SLC2A9: variants seen among roughly 807,000 people sequenced by gnomAD.
SLC2A9 encodes solute carrier family 2 member 9.
SLC2A9 carries 39 observed loss-of-function variants against 50.6 expected under a neutral mutation model. That is an observed-to-expected ratio of 0.77 (90% CI 0.60 to 1.01). The LOEUF (loss-of-function observed/expected upper bound fraction) is 1.01, where lower values mean the gene tolerates loss of function less well. Among genes scored for constraint, SLC2A9 ranks in the 50% least tolerant of loss-of-function variants. The pLI is 0.00. For missense variants in SLC2A9, 686 were observed against 677.6 expected, an observed-to-expected ratio of 1.01 and a Z score of -0.14; for synonymous variants, 324 against 276.9, an observed-to-expected ratio of 1.17 and a Z score of -1.69.
chr4:9,849,257 A>C (rs1434482295), intron 10 of SLC2A9, among the ~76,000 whole-genome samples: 2 of 152,154 alleles, frequency 1.3e-5, no homozygotes. Flanking sequence ...GCAGAGTGGG[A>C]TATGGGTCAG....
intron 10 of SLC2A9, among the ~76,000 whole-genome samples, chr4:9,868,676 C>A (rs1732906743): frequency 6.6e-6 from 1 of 151,796 alleles, no homozygotes; most frequent in Non-Finnish European, 1.5e-5. Flanking sequence ...AGCTCTCCCT[C>A]TGTCACCCCA....
downstream of SLC2A9, among the ~76,000 whole-genome samples, chr4:9,796,870 G>A (rs1212582416): frequency 3.3e-5 from 5 of 152,126 alleles, no homozygotes; most frequent in African/African-American, 1.2e-4. Flanking sequence ...TAACGCCTCT[G>A]CTTGGATGTG....
At chr4:9,884,557 G>C (rs1268762199) in intron 10 of SLC2A9, among the ~76,000 whole-genome samples, 1 of 152,072 alleles carries the variant, frequency 6.6e-6, no homozygotes, top group African/African-American at 2.4e-5. Context: ...GTTGGATGGA[G>C]GAAAGTGTGG....
At chr4:10,035,728 G>A (rs1764082166) in intron 1 of SLC2A9, 3 of 152,248 alleles carry the variant, frequency 2.0e-5, no homozygotes, top group Admixed American at 2.0e-4. Flanking sequence ...CCATTGACTG[G>A]TGGTCTAGAT....
intron 2 of SLC2A9, among the ~76,000 whole-genome samples, chr4:10,007,931 T>C (rs1024209289): frequency 1.3e-5 from 2 of 152,208 alleles, no homozygotes; most frequent in Non-Finnish European, 2.9e-5. Flanking sequence ...GTCCCGAGCA[T>C]GATGTCAGCA....
intron 5 of SLC2A9, among the ~76,000 whole-genome samples, chr4:9,950,591 A>ACAAAAAATAG (rs33958336): frequency 2.4e-5 from 1 of 42,402 alleles, no homozygotes; most frequent in Non-Finnish European, 4.5e-5. Context: ...TTATTAAATG[A>ACAAAAAATAG]CAGATGCTGG....
At chr4:9,782,818 G>T in intron 3 of SLC2A9, 1 of 1,613,550 alleles carries the variant, frequency 6.2e-7, no homozygotes, top group South Asian at 1.1e-5. Context: ...CCTCCCTGGA[G>T]AGGGCCGCAG....
Position 10,008,900 on chromosome 4 carries a change from G to GTTT in SLC2A9, c.249+10072_249+10074dup, listed in dbSNP as rs1553911923. Among the ~76,000 whole-genome samples the GTTT allele has an allele frequency of 1.1e-4, 15 of 134,852 alleles. 1 individual carries two copies. Among genetic ancestry groups the GTTT allele is most frequent in the Admixed American group, 2.2e-4 (3 of 13,526 alleles). The allele number at this position is 134,852 out of a possible 152,430, so 88.5% of individuals were successfully genotyped here. A position where few individuals can be genotyped will look rare whatever the true frequency, so the allele number is the denominator to read the frequency against. ...TTCATTATCAAATTTCTGTGCGGTG[G>GTTT]TTTTTTTTTTTTTTTTTCCTAATGG... On this transcript the variant is annotated intron_variant, in intron 2 of 11. Transcript: ENST00000264784.
intron 6 of SLC2A9, among the ~76,000 whole-genome samples, chr4:9,936,569 T>C (rs1401636021): frequency 6.6e-6 from 1 of 152,208 alleles, no homozygotes; most frequent in Non-Finnish European, 1.5e-5. Context: ...AGCACTGTCA[T>C]GGCTAAGAAA....
At chr4:9,995,330 C>T (rs1437150166) in intron 3 of SLC2A9, among the ~76,000 whole-genome samples, 2 of 152,144 alleles carry the variant, frequency 1.3e-5, no homozygotes, top group African/African-American at 4.8e-5. Flanking sequence ...AGGAAAATGT[C>T]AGCACCTCCC....
At chr4:9,960,719 G>A (rs984393400) in intron 5 of SLC2A9, among the ~76,000 whole-genome samples, 1 of 152,180 alleles carries the variant, frequency 6.6e-6, no homozygotes, top group Admixed American at 6.5e-5. Flanking sequence ...TTTCTTGAAG[G>A]CTGAGTGACA....
At chr4:10,025,890 A>G, upstream of SLC2A9, 1 of 1,613,776 alleles carries the variant, frequency 6.2e-7, no homozygotes, top group Non-Finnish European at 8.5e-7. Context: ...AGACAGAAAA[A>G]AAAAAGGACT....
intron 1 of SLC2A9, among the ~76,000 whole-genome samples, chr4:10,032,162 T>C (rs1763957861): frequency 6.6e-6 from 1 of 152,100 alleles, no homozygotes; most frequent in Non-Finnish European, 1.5e-5. Flanking sequence ...CCAACACACT[T>C]AAATTGACGT....
chr4:10,031,421 C>A (rs1392443399), intron 1 of SLC2A9, among the ~76,000 whole-genome samples: 1 of 152,196 alleles, frequency 6.6e-6, no homozygotes, highest in Admixed American at 6.5e-5. Context: ...CGGATCCAAT[C>A]GAATTAGCTT....
chr4:10,020,446 T>A (rs1763367760), intron 1 of SLC2A9, among the ~76,000 whole-genome samples: 1 of 152,170 alleles, frequency 6.6e-6, no homozygotes, highest in African/African-American at 2.4e-5. Flanking sequence ...CCGTAGAGGC[T>A]GCTGATCACA....
At chr4:10,022,133 C>A (rs1273545189), upstream of SLC2A9, among the ~76,000 whole-genome samples, 1 of 152,230 alleles carries the variant, frequency 6.6e-6, no homozygotes, top group South Asian at 2.1e-4. Flanking sequence ...GCCACCATGT[C>A]TGGCCAACTC....
At chr4:9,822,604 A>G (rs1364549680), downstream of SLC2A9, among the ~76,000 whole-genome samples, 1 of 152,192 alleles carries the variant, frequency 6.6e-6, no homozygotes, top group Non-Finnish European at 1.5e-5. Context: ...TGCACATAGC[A>G]TATAGATGGG....
intron 6 of SLC2A9, among the ~76,000 whole-genome samples, chr4:9,937,647 C>T (rs1747332294): frequency 6.6e-6 from 1 of 152,122 alleles, no homozygotes; most frequent in Non-Finnish European, 1.5e-5. Flanking sequence ...TTATCATTGA[C>T]AAGGGCAAGC....
chr4:9,996,641 C>T, intron 3 of SLC2A9, 140 bp downstream of exon 3: 1 of 1,059,214 alleles, frequency 9.4e-7, no homozygotes, highest in Non-Finnish European at 1.4e-6. Flanking sequence ...CTGATTTCTT[C>T]CCCTTTCCCC....
Sources: allele counts gnomAD v4.1 joint callset (sites outside exome capture counted in the v4.1 genomes callset), GRCh38; gene constraint gnomAD v4.1.1; transcripts MANE v1.5; gene names NCBI Gene and HGNC (gene_info 2026-07-23, HGNC 2026-07-21).